Variants in EPHA3 observed in about 807,000 individuals in gnomAD.
EPHA3 encodes EPH receptor A3, also known as ephrin type-A receptor 3.
A neutral mutation model predicts 107.1 loss-of-function variants in EPHA3; 42 were observed. The ratio of observed to expected loss-of-function variants is 0.39; its 90% CI spans 0.31 to 0.51. EPHA3 has a LOEUF of 0.51. EPHA3 is among the 20% of genes least tolerant of loss of function. EPHA3 has a pLI of 0.78. For synonymous variants in EPHA3, 461 were observed against 424.8 expected, an observed-to-expected ratio of 1.09 and a Z score of -1.05; for missense variants, 1,183 against 1,211.2, an observed-to-expected ratio of 0.98 and a Z score of 0.35.
At chr3:89,383,774 G>A (rs796674226) in intron 5 of EPHA3, among the ~76,000 whole-genome samples, 11 of 146,224 alleles carry the variant, frequency 7.5e-5, no homozygotes, top group African/African-American at 2.8e-4. Flanking sequence ...TCAGCCTCCC[G>A]AGTAGCTGGG....
chr3:89,323,003 C>CT (rs1707079143), intron 3 of EPHA3, among the ~76,000 whole-genome samples: 1 of 151,926 alleles, frequency 6.6e-6, no homozygotes. Flanking sequence ...TGTGATATAT[C>CT]TTTGTGAATT....
chr3:89,260,160 C>A (rs1032911326), intron 3 of EPHA3, among the ~76,000 whole-genome samples: 2 of 152,130 alleles, frequency 1.3e-5, no homozygotes, highest in African/African-American at 4.8e-5. Flanking sequence ...GATATCTTTA[C>A]AAGGCTGTGA....
chr3:89,219,691 T>TTTTTTTG (rs1704309920), intron 3 of EPHA3, among the ~76,000 whole-genome samples: 1 of 5,518 alleles, frequency 1.8e-4, no homozygotes, highest in Admixed American at 3.1e-3. Context: ...TGGCAATGTT[T>TTTTTTTG]TTTTTTTTTT....
intron 3 of EPHA3, among the ~76,000 whole-genome samples, chr3:89,277,986 T>C (rs1220617017): frequency 2.6e-5 from 4 of 152,046 alleles, no homozygotes; most frequent in African/African-American, 9.7e-5. Context: ...GTTCCTGAGG[T>C]TTGTCTCAAA....
At chr3:89,369,728 A>C (rs1371531565) in intron 5 of EPHA3, among the ~76,000 whole-genome samples, 4 of 148,308 alleles carry the variant, frequency 2.7e-5, no homozygotes, top group South Asian at 2.1e-4. Flanking sequence ...CAACCTACAA[A>C]ATGGGAGAAA....
chr3:89,215,180 G>T (rs1271896963), intron 3 of EPHA3, among the ~76,000 whole-genome samples: 1 of 151,784 alleles, frequency 6.6e-6, no homozygotes, highest in African/African-American at 2.4e-5. Flanking sequence ...CTTAAGAATG[G>T]CCCAAATACT....
intron 10 of EPHA3, among the ~76,000 whole-genome samples, chr3:89,416,265 G>A (rs940042208): frequency 4.0e-4 from 61 of 151,160 alleles, no homozygotes; most frequent in African/African-American, 8.5e-4. Context: ...TAAAATTGCC[G>A]CACTTATTAG....
At chr3:89,430,450 G>A (rs1709543941) in intron 12 of EPHA3, among the ~76,000 whole-genome samples, 2 of 151,990 alleles carry the variant, frequency 1.3e-5, no homozygotes, top group South Asian at 4.1e-4. Flanking sequence ...AATCAGGTGA[G>A]TTAAAATATT....
chr3:89,270,232 GTTA>G (rs1705636383), intron 3 of EPHA3, among the ~76,000 whole-genome samples: 2 of 152,032 alleles, frequency 1.3e-5, no homozygotes, highest in South Asian at 4.2e-4. Context: ...CTGATATCAT[GTTA>G]TTATTTTTAT....
At chr3:89,296,041 C>T (rs1706346776) in intron 3 of EPHA3, among the ~76,000 whole-genome samples, 1 of 152,216 alleles carries the variant, frequency 6.6e-6, no homozygotes. Flanking sequence ...CACATTCATG[C>T]TCCACTTCAA....
intron 3 of EPHA3, among the ~76,000 whole-genome samples, chr3:89,226,228 A>C (rs1704500170): frequency 6.6e-6 from 1 of 152,116 alleles, no homozygotes. Context: ...TCTGGGTCCC[A>C]GTTTCCTCAC....
intron 13 of EPHA3, 112 bp downstream of exon 13, chr3:89,431,471 A>G (rs1709568334): frequency 4.2e-6 from 3 of 715,476 alleles, no homozygotes; most frequent in Admixed American, 3.3e-5. Flanking sequence ...TATGCTTTCC[A>G]CAATAGAAAA....
chr3:89,186,789 T>C (rs1705577889), intron 2 of EPHA3, among the ~76,000 whole-genome samples: 1 of 152,140 alleles, frequency 6.6e-6, no homozygotes, highest in African/African-American at 2.4e-5. Flanking sequence ...TTGGGAATTC[T>C]ATAGGAAATT....
chr3:89,305,161 C>T (rs1391464804), intron 3 of EPHA3, among the ~76,000 whole-genome samples: 1 of 152,146 alleles, frequency 6.6e-6, no homozygotes, highest in Non-Finnish European at 1.5e-5. Context: ...TCCATATTCT[C>T]ACAAGTTTTT....
intron 3 of EPHA3, among the ~76,000 whole-genome samples, chr3:89,259,830 T>C (rs1202848970): frequency 3.9e-5 from 6 of 152,308 alleles, no homozygotes; most frequent in Admixed American, 2.6e-4. Flanking sequence ...ATCTCCCCAT[T>C]TCCTTTCTCC....
chr3:89,205,629 T>C (rs2107171548), intron 2 of EPHA3, among the ~76,000 whole-genome samples: 1 of 152,320 alleles, frequency 6.6e-6, no homozygotes, highest in East Asian at 1.9e-4. Flanking sequence ...GAATTGTTTA[T>C]TTTAATGAGT....
intron 15 of EPHA3, among the ~76,000 whole-genome samples, chr3:89,469,055 A>G (rs1470654360): frequency 2.0e-5 from 3 of 152,182 alleles, no homozygotes; most frequent in Non-Finnish European, 2.9e-5. Flanking sequence ...ATTAATATTT[A>G]TATAATATGG....
At chr3:89,301,876 T>A (rs1706499373) in intron 3 of EPHA3, among the ~76,000 whole-genome samples, 1 of 152,020 alleles carries the variant, frequency 6.6e-6, no homozygotes, top group South Asian at 2.1e-4. Context: ...TAAGAAAAAA[T>A]GGCAGGGACA....
chr3:89,332,754 A>T (rs1707315907), intron 3 of EPHA3, among the ~76,000 whole-genome samples: 1 of 152,156 alleles, frequency 6.6e-6, no homozygotes, highest in African/African-American at 2.4e-5. Context: ...TCTAGTCATT[A>T]GTTTGTGTTT....
Sources: gnomAD v4.1 joint callset for allele counts (sites outside exome capture counted in the v4.1 genomes callset) on GRCh38, gnomAD v4.1.1 for gene constraint, MANE v1.5 for transcripts, NCBI Gene and HGNC (gene_info 2026-07-23, HGNC 2026-07-21) for gene names.